The following AFG2A variants were observed in gnomAD, a reference collection of about 807,000 sequenced individuals.
AFG2A encodes ATPase family gene 2 protein homolog A.
At chr4:123,056,871 C>T in the AFG2A span, among the ~76,000 whole-genome samples, 1 of 152,022 alleles carries the variant, frequency 6.6e-6, no homozygotes, top group Admixed American at 6.6e-5. Context: ...ATGTAGAAAT[C>T]GAGGCTTACA....
At chr4:123,135,503 G>C in the AFG2A span, among the ~76,000 whole-genome samples, 1 of 152,148 alleles carries the variant, frequency 6.6e-6, no homozygotes, top group African/African-American at 2.4e-5. Context: ...ATCTTATACA[G>C]TTACACCTCT....
the AFG2A span, among the ~76,000 whole-genome samples, chr4:122,929,959 A>T: frequency 5.3e-5 from 8 of 152,138 alleles, no homozygotes; most frequent in African/African-American, 1.9e-4. Flanking sequence ...TTTAGGTGAG[A>T]GTAATTTTCA....
At chr4:123,304,008 A>G in the AFG2A span, among the ~76,000 whole-genome samples, 23 of 151,974 alleles carry the variant, frequency 1.5e-4, no homozygotes, top group African/African-American at 5.1e-4. Context: ...CTTAAATCTG[A>G]AATCTGTCCT....
chr4:123,244,228 G>A, the AFG2A span, among the ~76,000 whole-genome samples: 18 of 152,136 alleles, frequency 1.2e-4, no homozygotes, highest in East Asian at 7.7e-4. Flanking sequence ...GAAAGAAAAC[G>A]CAAGGCAAAG....
At chr4:123,055,920 C>T in the AFG2A span, among the ~76,000 whole-genome samples, 1 of 152,172 alleles carries the variant, frequency 6.6e-6, no homozygotes, top group Non-Finnish European at 1.5e-5. Flanking sequence ...AGAAAGTCTG[C>T]TGTGTTTCTT....
At chr4:123,165,375 T>G in the AFG2A span, among the ~76,000 whole-genome samples, 2 of 152,140 alleles carry the variant, frequency 1.3e-5, no homozygotes. Flanking sequence ...TTTTGTGGTA[T>G]GTAAATTATG....
the AFG2A span, among the ~76,000 whole-genome samples, chr4:123,255,483 A>G: frequency 6.9e-6 from 1 of 144,642 alleles, no homozygotes; most frequent in Non-Finnish European, 1.5e-5. Context: ...TGGCAGAGTG[A>G]GACTCTGTCT....
the AFG2A span, among the ~76,000 whole-genome samples, chr4:123,004,506 T>G: frequency 6.6e-6 from 1 of 152,252 alleles, no homozygotes; most frequent in Non-Finnish European, 1.5e-5. Flanking sequence ...TAATCTAGTG[T>G]TTCTTAGTCT....
the AFG2A span, among the ~76,000 whole-genome samples, chr4:122,953,787 G>A: frequency 1.3e-5 from 2 of 152,194 alleles, no homozygotes; most frequent in African/African-American, 4.8e-5. Context: ...CCTTTCCTTT[G>A]GCGCCCTTGT....
At chr4:123,044,696 C>G in the AFG2A span, among the ~76,000 whole-genome samples, 2 of 152,004 alleles carry the variant, frequency 1.3e-5, no homozygotes, top group Non-Finnish European at 2.9e-5. Context: ...TTTACATGAA[C>G]TTTTTGAAGA....
the AFG2A span, among the ~76,000 whole-genome samples, chr4:123,156,065 A>C: frequency 6.6e-6 from 1 of 152,172 alleles, no homozygotes; most frequent in African/African-American, 2.4e-5. Flanking sequence ...TTACGGTAGA[A>C]GGCAGAGTGG....
At chr4:123,182,117 TTTAA>T in the AFG2A span, among the ~76,000 whole-genome samples, 2 of 152,216 alleles carry the variant, frequency 1.3e-5, no homozygotes, top group Non-Finnish European at 2.9e-5. Flanking sequence ...CTTAAAATTC[TTTAA>T]TTATTTTTTA....
chr4:123,095,671 G>A, the AFG2A span, among the ~76,000 whole-genome samples: 1,524 of 150,306 alleles, frequency 0.01, 36 homozygotes, highest in African/African-American at 0.036. Context: ...AGGCGACGAA[G>A]AGTTAAAGTA....
At chr4:123,037,240 A>G in the AFG2A span, among the ~76,000 whole-genome samples, 456 of 152,166 alleles carry the variant, frequency 3.0e-3, 2 homozygotes, top group African/African-American at 1.0e-2. Context: ...TGTGACTGAT[A>G]TGATGTAAAA....
At chr4:122,940,704 A>G in the AFG2A span, among the ~76,000 whole-genome samples, 12 of 151,990 alleles carry the variant, frequency 7.9e-5, no homozygotes, top group South Asian at 4.2e-4. Flanking sequence ...TGAAGTCCTT[A>G]CCCATGCCTA....
the AFG2A span, among the ~76,000 whole-genome samples, chr4:122,947,048 A>C: frequency 6.6e-6 from 1 of 152,170 alleles, no homozygotes; most frequent in East Asian, 1.9e-4. Context: ...AATAAAAGTA[A>C]TAAATGTATA....
chr4:123,264,524 T>C, the AFG2A span, among the ~76,000 whole-genome samples: 106,685 of 152,044 alleles, frequency 0.7, 39,221 homozygotes, highest in Non-Finnish European at 0.81. Context: ...AAAAGCACAA[T>C]CTCTGCACCT....
the AFG2A span, chr4:122,947,192 A>G: frequency 6.8e-7 from 1 of 1,477,966 alleles, no homozygotes; most frequent in Non-Finnish European, 9.0e-7. Flanking sequence ...TTTTTTTCTA[A>G]CTTTCAGAAA....
the AFG2A span, among the ~76,000 whole-genome samples, chr4:123,102,449 C>A: frequency 6.6e-6 from 1 of 151,784 alleles, no homozygotes; most frequent in Non-Finnish European, 1.5e-5. Context: ...AGCATATTTT[C>A]TTTTTTCACA....
Sources: allele counts gnomAD v4.1 joint callset (sites outside exome capture counted in the v4.1 genomes callset), GRCh38; gene constraint gnomAD v4.1.1; transcripts MANE v1.5; gene names NCBI Gene and HGNC (gene_info 2026-07-23, HGNC 2026-07-21).